Variants in IL23R observed in about 807,000 individuals in gnomAD.
The protein encoded by IL23R is interleukin-23 receptor.
In IL23R, 34 loss-of-function variants were observed where a neutral mutation model predicts 56.9. The ratio of observed to expected loss-of-function variants is 0.60; its 90% confidence interval spans 0.45 to 0.80. IL23R has a LOEUF of 0.80. Among genes scored for constraint, IL23R ranks in the 30% least tolerant of loss-of-function variants. IL23R has a pLI of 0.00. For missense variants in IL23R, 635 were observed against 730.0 expected (o/e 0.87, Z 1.50); for synonymous variants, 230 against 249.2 (o/e 0.92, Z 0.73).
At chr1:67,139,275 A>G (rs981090276) in intron 1 of IL23R, 1 of 152,234 alleles carries the variant, frequency 6.6e-6, no homozygotes, top group Non-Finnish European at 1.5e-5. Context: ...CATAAAATGG[A>G]TAGATTAACT....
intron 3 of IL23R, among the ~76,000 whole-genome samples, chr1:67,179,121 G>T (rs986333684): frequency 6.6e-6 from 1 of 152,184 alleles, no homozygotes; most frequent in Non-Finnish European, 1.5e-5. Context: ...TCAGGAAGAT[G>T]CTGGCCTCAT....
chr1:67,164,371 G>T (rs915502215), upstream of IL23R, among the ~76,000 whole-genome samples: 4 of 152,122 alleles, frequency 2.6e-5, no homozygotes, highest in Non-Finnish European at 5.9e-5. Context: ...GGCGTCTCAC[G>T]CCTGTAATCC....
chr1:67,154,082 T>G lies in IL23R; in HGVS notation c.-633-14010T>G, dbSNP rs182221983. On this transcript the variant is annotated intron_variant, in intron 1 of 10. Coordinates refer to the IL23R transcript ENST00000637002. ...TGCGCCCGGCCTTGAGTAAGTTTCT[T>G]AATCCTGAGTTCTAATTTGATTGCA... Among the ~76,000 whole-genome samples the G allele has an allele frequency of 3.7e-3, 562 of 152,316 alleles. 4 individuals are homozygous for G. The highest frequency in any genetic ancestry group is 0.013 in the African/African-American group (541 of 41,576).
At chr1:67,161,713 C>T (rs761588587), upstream of IL23R, among the ~76,000 whole-genome samples, 57 of 151,896 alleles carry the variant, frequency 3.8e-4, 1 homozygote, top group Non-Finnish European at 4.0e-4. Flanking sequence ...CTGCAAACTC[C>T]GACTCCCTGG....
intron 6 of IL23R, among the ~76,000 whole-genome samples, chr1:67,218,858 G>T (rs947622713): frequency 6.6e-6 from 1 of 151,806 alleles, no homozygotes; most frequent in African/African-American, 2.4e-5. Flanking sequence ...GGAGGTGGAG[G>T]TTGCAGTGAG....
At chr1:67,264,498 T>A (rs949998293), downstream of IL23R, among the ~76,000 whole-genome samples, 7 of 152,216 alleles carry the variant, frequency 4.6e-5, no homozygotes, top group Admixed American at 3.3e-4. Context: ...AAACAACTTA[T>A]GAATCTCTCT....
rs71663275 is a variant in IL23R at position 67,212,543 on chromosome 1, CT to C, written c.798+5502del. On this transcript the variant is annotated intron_variant, in intron 6 of 10. Transcript: ENST00000347310. ...CTCTGCTACTTTCTAGTCATGCAAT[CT>C]TTTTTTTTTTTTTCCTTTTGAGACA... Among the ~76,000 whole-genome samples the C allele has an allele frequency of 3.0e-3, 439 of 145,070 alleles. 6 individuals carry two copies. Among genetic ancestry groups the C allele is most frequent in the African/African-American group, 0.01 (414 of 39,646 alleles).
rs1282657856 is a variant in IL23R at position 67,200,740 on chromosome 1, A to C, written c.495A>C (p.Leu165Phe). ...DTKYVVHVKS[L>F]ETEEEQQYLT... ...CATCTTTTTTTTTTGTTTTAAGTTTAGAGACAGAAGAAGAGCAACAGTATC... is the reference window on the plus strand; with the variant it reads ...CATCTTTTTTTTTTGTTTTAAGTTTCGAGACAGAAGAAGAGCAACAGTATC... Residue 165 changes from leucine (L) to phenylalanine (F), a missense_variant, in exon 5 of 11, where the codon TTA (leucine) becomes TTC (phenylalanine). Transcript: ENST00000347310. 2 of 1,613,000 alleles carry C rather than the reference A, an allele frequency of 1.2e-6. No individual in the cohort carries two copies. Among genetic ancestry groups the C allele is most frequent in the East Asian group, 2.2e-5 (1 of 44,838 alleles).
chr1:67,160,689 CT>C (rs1431779049), intron 1 of IL23R, among the ~76,000 whole-genome samples: 5 of 151,738 alleles, frequency 3.3e-5, no homozygotes, highest in Admixed American at 2.6e-4. Flanking sequence ...TTTTGTTCCC[CT>C]TTTTTTTAAG....
chr1:67,218,717 A>G (rs533996579), intron 6 of IL23R, among the ~76,000 whole-genome samples: 2 of 152,108 alleles, frequency 1.3e-5, no homozygotes, highest in East Asian at 1.9e-4. Flanking sequence ...TGTGCCCAGG[A>G]GACCAGCCTG....
At chr1:67,236,569 T>C (rs193154037) in intron 7 of IL23R, 144 bp from the exon 8 acceptor site, 1 of 672,518 alleles carries the variant, frequency 1.5e-6, no homozygotes, top group East Asian at 2.7e-5. Context: ...ACTCGAAGAC[T>C]ATTGCTTTTA....
chr1:67,149,613 C>T (rs964188403), intron 1 of IL23R, among the ~76,000 whole-genome samples: 1 of 152,044 alleles, frequency 6.6e-6, no homozygotes, highest in African/African-American at 2.4e-5. Context: ...GTCCCCCTGC[C>T]CAAATCCCTG....
At chr1:67,260,238 G>A (rs2100402142), downstream of IL23R, among the ~76,000 whole-genome samples, 1 of 152,182 alleles carries the variant, frequency 6.6e-6, no homozygotes, top group African/African-American at 2.4e-5. Flanking sequence ...ATGGGTTGCT[G>A]TCTTCACTTA....
chr1:67,258,622 G>C lies in IL23R; in HGVS notation c.1384G>C (p.Asp462His), dbSNP rs775580555. The change falls in exon 11 of 11, where the codon GAC (aspartate) becomes CAC (histidine). Residue 462 changes from aspartate (D) to histidine (H), a missense_variant. By Grantham distance (81) the Asp-to-His change is moderately conservative. Coordinates refer to ENST00000347310, the MANE Select transcript of IL23R (RefSeq NM_144701.3). Reference sequence around the variant, plus strand: ...GAATACAGGACCCCTGGAGACAAGAGACTACCCGCAAAACTCGCTATTCGA... The same window carrying C: ...GAATACAGGACCCCTGGAGACAAGACACTACCCGCAAAACTCGCTATTCGA... ...KENTGPLETR[D>H]YPQNSLFDNT... 29 of 1,613,802 alleles carry C rather than the reference G, an allele frequency of 1.8e-5. No individual in the cohort carries two copies. Among genetic ancestry groups the C allele is most frequent in the Non-Finnish European group, 2.5e-5 (29 of 1,179,914 alleles).
At chr1:67,165,399 T>C (rs1371851856), upstream of IL23R, among the ~76,000 whole-genome samples, 1 of 152,104 alleles carries the variant, frequency 6.6e-6, no homozygotes, top group Non-Finnish European at 1.5e-5. Flanking sequence ...CAGTGTGAAA[T>C]AAAAACAATT....
At chr1:67,197,732 C>T (rs1000725973) in intron 4 of IL23R, among the ~76,000 whole-genome samples, 1 of 152,150 alleles carries the variant, frequency 6.6e-6, no homozygotes, top group Non-Finnish European at 1.5e-5. Flanking sequence ...ATCACTTGAG[C>T]TCAGAGCTCG....
intron 5 of IL23R, among the ~76,000 whole-genome samples, chr1:67,205,895 CTTTCTTTCTTTCTTTCTT>C (rs1261661637): frequency 3.2e-5 from 4 of 123,422 alleles, no homozygotes; most frequent in Non-Finnish European, 7.1e-5. Flanking sequence ...TTCTTTCTTT[CTTTCTTTCTTTCTTTCTT>C]TCTTTCTTTC....
At chr1:67,161,609 C>A (rs1367945390), upstream of IL23R, among the ~76,000 whole-genome samples, 2 of 149,110 alleles carry the variant, frequency 1.3e-5, no homozygotes, top group African/African-American at 2.5e-5. Flanking sequence ...AATTAAAATA[C>A]TATATATATA....
intron 7 of IL23R, among the ~76,000 whole-genome samples, chr1:67,223,413 T>G (rs74082813): frequency 1.5e-3 from 230 of 152,286 alleles, no homozygotes; most frequent in African/African-American, 4.4e-3. Flanking sequence ...CCTGAAAACT[T>G]GGATTTATTA....
Sources: allele counts gnomAD v4.1 joint callset (sites outside exome capture counted in the v4.1 genomes callset), GRCh38; gene constraint gnomAD v4.1.1; transcripts MANE v1.5; gene names NCBI Gene and HGNC (gene_info 2026-07-23, HGNC 2026-07-21).